The following SLC24A2 variants were observed in gnomAD, a reference collection of about 807,000 sequenced individuals.
SLC24A2 encodes solute carrier family 24 member 2, also known as sodium/potassium/calcium exchanger 2.
A neutral mutation model predicts 62.0 loss-of-function variants in SLC24A2; 36 were observed. That is an observed-to-expected ratio of 0.58 (90% CI 0.44 to 0.77). SLC24A2 has a LOEUF of 0.77. Among genes scored for constraint, SLC24A2 ranks in the 30% least tolerant of loss-of-function variants. The pLI, the probability that SLC24A2 is intolerant of heterozygous loss-of-function variation, is 0.00. For missense variants in SLC24A2, 846 were observed against 817.9 expected (o/e 1.03, Z -0.42); for synonymous variants, 358 against 294.0 (o/e 1.22, Z -2.23).
At chr9:20,285,142 T>C in the SLC24A2 span, among the ~76,000 whole-genome samples, 2 of 152,178 alleles carry the variant, frequency 1.3e-5, no homozygotes, top group East Asian at 3.9e-4. Context: ...CCCAAGGAAA[T>C]AGGTAGAAGC....
At chr9:20,195,220 C>T in the SLC24A2 span, among the ~76,000 whole-genome samples, 1 of 152,186 alleles carries the variant, frequency 6.6e-6, no homozygotes, top group East Asian at 1.9e-4. Context: ...AAATTATAAA[C>T]AATGCTTCAA....
chr9:20,207,453 T>G, the SLC24A2 span, among the ~76,000 whole-genome samples: 1 of 151,306 alleles, frequency 6.6e-6, no homozygotes, highest in African/African-American at 2.4e-5. Flanking sequence ...CAGGTCTAAT[T>G]CTGAACCTTT....
At chr9:19,877,308 T>C in the SLC24A2 span, among the ~76,000 whole-genome samples, 1 of 147,164 alleles carries the variant, frequency 6.8e-6, no homozygotes, top group African/African-American at 2.5e-5. Flanking sequence ...AGAGAGACTA[T>C]GGAGGTCCAT....
At chr9:19,704,461 T>C (rs1235932806) in intron 2 of SLC24A2, among the ~76,000 whole-genome samples, 4 of 152,236 alleles carry the variant, frequency 2.6e-5, no homozygotes, top group Non-Finnish European at 4.4e-5. Context: ...ATACCAACAG[T>C]GGTGGAATTA....
At chr9:20,239,261 T>C in the SLC24A2 span, among the ~76,000 whole-genome samples, 1 of 152,182 alleles carries the variant, frequency 6.6e-6, no homozygotes, top group Non-Finnish European at 1.5e-5. Flanking sequence ...CACAAAAAAA[T>C]TTTTAAGTAT....
chr9:20,104,493 T>C, the SLC24A2 span, among the ~76,000 whole-genome samples: 35 of 152,254 alleles, frequency 2.3e-4, 1 homozygote, highest in East Asian at 1.9e-3. Flanking sequence ...AGACTAACAG[T>C]GGATCTCTCA....
At chr9:19,577,135 AT>A in intron 5 of SLC24A2, 113 bp from the exon 6 acceptor site, 1 of 837,254 alleles carries the variant, frequency 1.2e-6, no homozygotes, top group South Asian at 1.3e-5. Flanking sequence ...TGACCACTCC[AT>A]TCTGTCCAAC....
At chr9:19,528,888 C>CT (rs1833557732) in intron 8 of SLC24A2, among the ~76,000 whole-genome samples, 1 of 152,168 alleles carries the variant, frequency 6.6e-6, no homozygotes, top group Admixed American at 6.5e-5. Context: ...AATTCTGCTT[C>CT]TAGAAGTAGA....
intron 2 of SLC24A2, among the ~76,000 whole-genome samples, chr9:19,741,934 T>C (rs1407830824): frequency 1.3e-5 from 2 of 152,234 alleles, no homozygotes; most frequent in East Asian, 3.8e-4. Flanking sequence ...GAAAATTAAA[T>C]AATTGAGTTT....
the SLC24A2 span, among the ~76,000 whole-genome samples, chr9:19,827,543 G>T: frequency 2.0e-5 from 3 of 151,772 alleles, no homozygotes; most frequent in African/African-American, 7.3e-5. Flanking sequence ...ATATTTCTTT[G>T]ACTCTAAGAT....
chr9:20,241,869 T>C, the SLC24A2 span, among the ~76,000 whole-genome samples: 1 of 152,174 alleles, frequency 6.6e-6, no homozygotes, highest in Non-Finnish European at 1.5e-5. Context: ...CTAAAAAACA[T>C]GGCTGCAACA....
the SLC24A2 span, among the ~76,000 whole-genome samples, chr9:20,181,288 A>G: frequency 4.6e-5 from 7 of 152,130 alleles, no homozygotes; most frequent in African/African-American, 7.2e-5. Context: ...TCATCAAATC[A>G]TATAGGACTA....
the SLC24A2 span, among the ~76,000 whole-genome samples, chr9:20,089,958 G>T: frequency 7.2e-4 from 109 of 152,200 alleles, 1 homozygote; most frequent in African/African-American, 2.5e-3. Context: ...CTGCAGCTCT[G>T]TGTTTCTAAG....
At chr9:19,953,974 A>T in the SLC24A2 span, among the ~76,000 whole-genome samples, 1 of 152,068 alleles carries the variant, frequency 6.6e-6, no homozygotes, top group Non-Finnish European at 1.5e-5. Context: ...TTTCCTAAAA[A>T]AAAAAAAGTA....
the SLC24A2 span, among the ~76,000 whole-genome samples, chr9:20,009,772 G>C: frequency 1.3e-5 from 2 of 152,052 alleles, no homozygotes; most frequent in Non-Finnish European, 2.9e-5. Flanking sequence ...GGAGCATCTG[G>C]CCCTGCCCAA....
At chr9:20,006,923 G>A in the SLC24A2 span, among the ~76,000 whole-genome samples, 1 of 152,068 alleles carries the variant, frequency 6.6e-6, no homozygotes, top group Non-Finnish European at 1.5e-5. Flanking sequence ...ATTACTGTGA[G>A]GATAAAAGAA....
At chr9:19,683,177 C>CA (rs1367827716) in intron 2 of SLC24A2, among the ~76,000 whole-genome samples, 88 of 152,240 alleles carry the variant, frequency 5.8e-4, no homozygotes, top group African/African-American at 2.0e-3. Context: ...TTACTGTATG[C>CA]TAGACGCTGT....
At chr9:20,140,163 G>A in the SLC24A2 span, among the ~76,000 whole-genome samples, 1 of 152,172 alleles carries the variant, frequency 6.6e-6, no homozygotes, top group East Asian at 1.9e-4. Flanking sequence ...AATTTGATTC[G>A]TCAGCCATTG....
chr9:19,895,732 C>A, the SLC24A2 span: 2 of 1,390,500 alleles, frequency 1.4e-6, no homozygotes, highest in Non-Finnish European at 2.0e-6. Flanking sequence ...GTGGTCGAGG[C>A]TGGAGTCAAG....
Sources: gnomAD v4.1 joint callset for allele counts (sites outside exome capture counted in the v4.1 genomes callset) on GRCh38, gnomAD v4.1.1 for gene constraint, MANE v1.5 for transcripts, NCBI Gene and HGNC (gene_info 2026-07-23, HGNC 2026-07-21) for gene names.